Variants in RAD51B observed in about 807,000 individuals in gnomAD.
The protein encoded by RAD51B is DNA repair protein RAD51 homolog 2.
In RAD51B, 38 loss-of-function variants were observed where a neutral mutation model predicts 42.2. The observed-to-expected ratio is 0.90, with a 90% CI of 0.70 to 1.18. RAD51B has a LOEUF of 1.18. Ranked by LOEUF, RAD51B falls within the 50% of genes most tolerant of loss-of-function variation. RAD51B has a pLI of 0.00. For synonymous variants in RAD51B, 154 were observed against 145.2 expected (o/e 1.06, Z -0.43); for missense variants, 373 against 400.7 (o/e 0.93, Z 0.59).
At chr14:67,863,608 ATTT>A (rs796947194) in intron 4 of RAD51B, among the ~76,000 whole-genome samples, 2 of 150,416 alleles carry the variant, frequency 1.3e-5, no homozygotes, top group African/African-American at 2.4e-5. Flanking sequence ...CCTCTCTTAG[ATTT>A]TTTTTTCTTT....
intron 7 of RAD51B, among the ~76,000 whole-genome samples, chr14:68,229,724 C>T (rs1415503714): frequency 1.3e-5 from 2 of 149,640 alleles, no homozygotes; most frequent in Non-Finnish European, 2.9e-5. Context: ...GGTCAGTCAC[C>T]CTGTTTCCAA....
intron 8 of RAD51B, among the ~76,000 whole-genome samples, chr14:68,315,493 T>C (rs1465880367): frequency 2.0e-5 from 3 of 152,164 alleles, no homozygotes; most frequent in Admixed American, 1.3e-4. Flanking sequence ...AGCAGCTCTC[T>C]AGGCCCAAAG....
intron 10 of RAD51B, among the ~76,000 whole-genome samples, chr14:68,475,888 A>G (rs556081141): frequency 6.6e-6 from 1 of 152,274 alleles, no homozygotes; most frequent in East Asian, 1.9e-4. Flanking sequence ...AAATCAATTC[A>G]GGTTGTTGAT....
intron 9 of RAD51B, among the ~76,000 whole-genome samples, chr14:68,441,046 G>T (rs776733934): frequency 1.3e-5 from 2 of 152,142 alleles, no homozygotes; most frequent in African/African-American, 2.4e-5. Context: ...AAAAGAGCAA[G>T]ATTTTAATGA....
intron 7 of RAD51B, among the ~76,000 whole-genome samples, chr14:67,934,784 G>T (rs564298188): frequency 6.6e-6 from 1 of 152,344 alleles, no homozygotes; most frequent in East Asian, 1.9e-4. Context: ...TCTGGAGCAT[G>T]TTGTTCCATC....
chr14:68,514,828 A>G (rs992360867), intron 10 of RAD51B, among the ~76,000 whole-genome samples: 3 of 152,250 alleles, frequency 2.0e-5, no homozygotes, highest in Non-Finnish European at 2.9e-5. Context: ...TAGGAATTCT[A>G]GACCTGAGAT....
chr14:68,538,792 C>T (rs892396012), intron 10 of RAD51B, among the ~76,000 whole-genome samples: 5 of 152,198 alleles, frequency 3.3e-5, no homozygotes, highest in African/African-American at 1.2e-4. Context: ...TGAGCAGGAT[C>T]AGCCTGCCCT....
intron 7 of RAD51B, among the ~76,000 whole-genome samples, chr14:68,175,583 G>T (rs2078948411): frequency 6.6e-6 from 1 of 152,290 alleles, no homozygotes; most frequent in East Asian, 1.9e-4. Context: ...GAGTGCTGGG[G>T]CATGATACTA....
intron 8 of RAD51B, among the ~76,000 whole-genome samples, chr14:68,392,075 G>A (rs757273316): frequency 1.3e-4 from 20 of 152,166 alleles, no homozygotes; most frequent in Non-Finnish European, 2.8e-4. Flanking sequence ...AAAGGCTCAG[G>A]TTTATCTGGC....
At chr14:68,590,587 C>T (rs1263287905) in intron 10 of RAD51B, among the ~76,000 whole-genome samples, 1 of 152,180 alleles carries the variant, frequency 6.6e-6, no homozygotes, top group Non-Finnish European at 1.5e-5. Flanking sequence ...CCTCCTAAGC[C>T]TGAGGACTGG....
At chr14:68,540,427 T>A (rs1248123693) in intron 10 of RAD51B, 1 of 985,156 alleles carries the variant, frequency 1.0e-6, no homozygotes, top group Non-Finnish European at 1.2e-6. Context: ...CTTATTCAAT[T>A]TGATTCACTT....
intron 6 of RAD51B, 52 bp downstream of exon 6, chr14:67,886,040 T>C (rs1427246907): frequency 2.9e-6 from 4 of 1,372,258 alleles, no homozygotes; most frequent in Admixed American, 2.2e-5. Flanking sequence ...GGTTTATGTT[T>C]TATCTTTTAT....
intron 10 of RAD51B, chr14:68,562,934 T>C (rs2140022481): frequency 3.0e-6 from 3 of 985,402 alleles, no homozygotes; most frequent in African/African-American, 1.7e-5. Flanking sequence ...ACATGGACCA[T>C]GTATTGCTAC....
chr14:68,142,602 A>G (rs2588830), intron 7 of RAD51B, among the ~76,000 whole-genome samples: 108,446 of 152,070 alleles, frequency 0.71, 41,440 homozygotes, highest in East Asian at 0.93. Context: ...TGTTTTGTAA[A>G]TCAACATGAC....
At chr14:68,235,546 T>TA (rs2080232656) in intron 7 of RAD51B, among the ~76,000 whole-genome samples, 1 of 149,574 alleles carries the variant, frequency 6.7e-6, no homozygotes, top group Admixed American at 6.6e-5. Flanking sequence ...CTACTAAAAA[T>TA]ACAAAAAATT....
At chr14:68,363,466 G>A (rs1011439690) in intron 8 of RAD51B, among the ~76,000 whole-genome samples, 1 of 152,140 alleles carries the variant, frequency 6.6e-6, no homozygotes, top group Non-Finnish European at 1.5e-5. Context: ...TGTATTCTCA[G>A]TGTCCGCCAG....
chr14:67,937,419 C>A (rs78180024), intron 7 of RAD51B, among the ~76,000 whole-genome samples: 1 of 152,116 alleles, frequency 6.6e-6, no homozygotes, highest in Non-Finnish European at 1.5e-5. Flanking sequence ...TAAAACCAAC[C>A]GGTTCTAGCA....
chr14:68,425,920 C>T (rs535787641), intron 9 of RAD51B, among the ~76,000 whole-genome samples: 1 of 144,292 alleles, frequency 6.9e-6, no homozygotes, highest in African/African-American at 2.6e-5. Flanking sequence ...GAAATAGAGA[C>T]AGTAAAGGCC....
chr14:67,947,592 T>C (rs2045439449), intron 7 of RAD51B, among the ~76,000 whole-genome samples: 1 of 152,186 alleles, frequency 6.6e-6, no homozygotes, highest in African/African-American at 2.4e-5. Context: ...TCTTATTTCA[T>C]CAGTAATGTG....
Sources: allele counts gnomAD v4.1 joint callset (sites outside exome capture counted in the v4.1 genomes callset), GRCh38; gene constraint gnomAD v4.1.1; transcripts MANE v1.5; gene names NCBI Gene and HGNC (gene_info 2026-07-23, HGNC 2026-07-21).